Variants in DRAXIN observed in about 807,000 individuals in gnomAD.
DRAXIN encodes the protein dorsal repulsive axon guidance protein.
DRAXIN carries 27 observed loss-of-function variants against 33.9 expected under a neutral mutation model. That is an observed-to-expected ratio of 0.80 (90% CI 0.59 to 1.10). The LOEUF (loss-of-function observed/expected upper bound fraction) is 1.10. Among genes scored for constraint, DRAXIN ranks in the 50% least tolerant of loss-of-function variants. The probability of loss-of-function intolerance (pLI) is 0.00; values close to 1 mark genes in which losing one functional copy is unlikely to be tolerated. For missense variants in DRAXIN, 371 were observed against 460.8 expected (o/e 0.81, Z 1.78); for synonymous variants, 178 against 194.0 (o/e 0.92, Z 0.69).
chr1:11,714,491 T>C (rs969752302), intron 5 of DRAXIN, among the ~76,000 whole-genome samples: 18 of 152,222 alleles, frequency 1.2e-4, no homozygotes, highest in Non-Finnish European at 2.5e-4. Context: ...AGCAAGTGCT[T>C]TCCCCAAGAG....
chr1:11,686,725 C>T (rs1446055938), upstream of DRAXIN, among the ~76,000 whole-genome samples: 2 of 142,588 alleles, frequency 1.4e-5, no homozygotes, highest in African/African-American at 5.2e-5. Flanking sequence ...ATGCCTTACA[C>T]AACATCAGGA....
Position 11,706,461 on chromosome 1 carries a change from GC to G in DRAXIN, c.206del (p.Pro69GlnfsTer78), listed in dbSNP as rs752110639. 2.5e-6 allele frequency: 4 copies of G among 1,610,238 alleles called. No individual in the cohort carries two copies. In the South Asian group the frequency reaches 4.4e-5, roughly 18 times the overall value. On this transcript the variant is annotated frameshift_variant, in exon 2 of 7. Transcript: ENST00000294485. LOFTEE classifies it high-confidence loss of function. The surrounding 1 kb of genome is among the most constrained non-coding windows in gnomAD (Gnocchi z 5.5). ...RRRGPGKKEW[G>X]PGLPSQAQDG... ...CGGGGCCCGGGCAAGAAGGAGTGGGGCCCAGGCCTGCCCAGCCAGGCCCAGG... is the reference window on the plus strand; with the variant it reads ...CGGGGCCCGGGCAAGAAGGAGTGGGGCCAGGCCTGCCCAGCCAGGCCCAGG...
At position 11,694,657 on chromosome 1, in the gene DRAXIN, G is replaced by A. The variant is rs966450768; in HGVS notation, c.-11+2804G>A. ...GGCATGAGCATGTTCCTGGGGGGCA[G>A]GTCATAGGAGCACCCCTGTTCTGGC... is the stretch of plus-strand genomic sequence containing the variant. On this transcript the variant is annotated intron_variant, in intron 1 of 6. Coordinates refer to ENST00000294485, the MANE Select transcript of DRAXIN (RefSeq NM_198545.4). This position sits in a 1 kb window ranked among gnomAD's most constrained non-coding sequence, Gnocchi z 4.9. Among the ~76,000 whole-genome samples, 2 of 151,926 alleles carry A rather than the reference G, an allele frequency of 1.3e-5. No homozygotes were observed. The highest frequency in any genetic ancestry group is 2.9e-5 in the Non-Finnish European group (2 of 67,962).
intron 5 of DRAXIN, among the ~76,000 whole-genome samples, 171 bp from the exon 6 acceptor site, chr1:11,714,948 A>G (rs1641551616): frequency 6.6e-6 from 1 of 152,228 alleles, no homozygotes; most frequent in Admixed American, 6.5e-5. Context: ...GGCCTCGGCC[A>G]TGACATCTCC....
chr1:11,708,236 G>C (rs569912280), intron 2 of DRAXIN, among the ~76,000 whole-genome samples: 24 of 152,374 alleles, frequency 1.6e-4, no homozygotes, highest in African/African-American at 5.8e-4. Context: ...AGGCCTCCTG[G>C]GAGAGTTGAT....
In DRAXIN at chr1:11,696,177, A is replaced by G. The variant is rs756724175; in HGVS notation, c.-11+4324A>G. Among the ~76,000 whole-genome samples the G allele has an allele frequency of 1.6e-4, 25 of 152,186 alleles. No individual in the cohort carries two copies. The highest frequency in any genetic ancestry group is 3.2e-4 in the Non-Finnish European group (22 of 68,030). ...CAGGCACAGATGCACAAATGCTTCC[A>G]GGAAACTCCCTGGCCCCCACCACAC... On this transcript the variant is annotated intron_variant, in intron 1 of 6. Transcript: ENST00000294485. The surrounding 1 kb of genome is among the most constrained non-coding windows in gnomAD (Gnocchi z 4.7).
chr1:11,706,571 C>T lies in DRAXIN; in HGVS notation c.313C>T (p.Leu105=), dbSNP rs1641384924. Reference sequence around the variant, plus strand: ...GCTGCCTGAGCAGAGTCCTGCAGGCCTGCTGCAGGACAAGGACCTGCTCCT... The same window carrying T: ...GCTGCCTGAGCAGAGTCCTGCAGGCTTGCTGCAGGACAAGGACCTGCTCCT... The part of the protein sequence containing the change: ...GLLPEQSPAG[L]LQDKDLLLGL... Residue 105 remains leucine (L), a synonymous_variant, in exon 2 of 7, where the codon CTG becomes TTG. Transcript: ENST00000294485. This position sits in a 1 kb window ranked among gnomAD's most constrained non-coding sequence, Gnocchi z 5.5. 8.1e-6 allele frequency: 13 copies of T among 1,609,698 alleles called. No homozygotes were observed. In the East Asian group the frequency reaches 2.9e-4, roughly 36 times the overall value.
In DRAXIN at chr1:11,693,422, AC is replaced by A. The variant is rs1200919109; in HGVS notation, c.-11+1571del. 4.0e-5 allele frequency among the ~76,000 whole-genome samples: 6 copies of A among 151,712 alleles called. No individual in the cohort carries two copies. In the East Asian group the frequency reaches 1.2e-3, roughly 30 times the overall value. On this transcript the variant is annotated intron_variant, in intron 1 of 6. Transcript: ENST00000294485. Reference sequence around the variant, plus strand: ...GCTGTGTGCTTGCCCAAGCCCCCTGACCACTGTCTAGGTGGTCATAACATGT... The same window carrying A: ...GCTGTGTGCTTGCCCAAGCCCCCTGACACTGTCTAGGTGGTCATAACATGT...
rs576348395 is a variant in DRAXIN, at chr1:11,710,213, C to T, written c.642+748C>T. 2.8e-4 allele frequency among the ~76,000 whole-genome samples: 42 copies of T among 147,782 alleles called. 1 individual carries two copies. In the South Asian group the frequency reaches 8.6e-3, roughly 30 times the overall value. On this transcript the variant is annotated intron_variant, in intron 3 of 6. Coordinates refer to ENST00000294485, the MANE Select transcript of DRAXIN (RefSeq NM_198545.4). ...AAAAAAAAAAAAAAGAAATGTGGGGCGGGCACGTTGGCTCAAGCCTGTAAT... is the reference window on the plus strand; with the variant it reads ...AAAAAAAAAAAAAAGAAATGTGGGGTGGGCACGTTGGCTCAAGCCTGTAAT...
rs780619294 is a variant in DRAXIN, at chr1:11,719,628, C to G, written c.982C>G (p.Arg328Gly). 6.2e-7 allele frequency: 1 copy of G among 1,614,050 alleles called. No individual in the cohort carries two copies. Among genetic ancestry groups the G allele is most frequent in the Non-Finnish European group, 8.5e-7 (1 of 1,180,004 alleles). Residue 328 changes from arginine to glycine, a missense_variant, in exon 7 of 7, where the codon CGG becomes GGG. Physicochemically the swap from Arg to Gly is moderately radical, Grantham distance 125. Coordinates refer to ENST00000294485, the MANE Select transcript of DRAXIN (RefSeq NM_198545.4). ...AKFHRNRRVT[R>G]RKGRCVEPET... ...ATTCCACCGGAACCGCAGGGTTACA[C>G]GGAGGAAAGGGCGCTGTGTGGAGCC...
chr1:11,687,895 C>G (rs151129425), upstream of DRAXIN, among the ~76,000 whole-genome samples: 2 of 152,234 alleles, frequency 1.3e-5, no homozygotes, highest in African/African-American at 4.8e-5. The surrounding 1 kb of genome is among the most constrained non-coding windows in gnomAD (Gnocchi z 4.1). Context: ...CCTGCTTTGG[C>G]CCCTCAAGTA....
chr1:11,719,696 GC>G lies in DRAXIN; in HGVS notation c.*1del, dbSNP rs1443872884. On this transcript the variant is annotated 3_prime_UTR_variant, in exon 7 of 7. Coordinates refer to ENST00000294485, the MANE Select transcript of DRAXIN (RefSeq NM_198545.4). The stretch of plus-strand genomic sequence containing the variant: ...ACCAGGGATCCTTCATCAACGTCTA[GC>G]GGCCCCGCGGGACTGGGGACTGAGC... 1 of 1,613,420 alleles carries G rather than the reference GC, an allele frequency of 6.2e-7. No homozygotes were observed. The highest frequency in any genetic ancestry group is 1.7e-5 in the Admixed American group (1 of 59,974).
rs1641731862 is a variant in DRAXIN at position 11,725,410 on chromosome 1, A to C, written c.*5714A>C. 1 of 152,228 alleles carries C rather than the reference A, an allele frequency of 6.6e-6. No homozygotes were observed. Among genetic ancestry groups the C allele is most frequent in the Non-Finnish European group, 1.5e-5 (1 of 68,038 alleles). 9.4% of individuals were successfully genotyped at this position (152,228 alleles called of 1,614,324 possible). On this transcript the variant is annotated 3_prime_UTR_variant, in exon 7 of 7. Coordinates refer to ENST00000294485, the MANE Select transcript of DRAXIN (RefSeq NM_198545.4). Reference sequence around the variant, plus strand: ...GAATCTCTGGGGGTGGGGCCCAGCCATTTGGCTTTTCACAAGTTCTCCAGG... The same window carrying C: ...GAATCTCTGGGGGTGGGGCCCAGCCCTTTGGCTTTTCACAAGTTCTCCAGG...
chr1:11,716,196 T>G (rs1478192587), intron 6 of DRAXIN, among the ~76,000 whole-genome samples: 1 of 152,190 alleles, frequency 6.6e-6, no homozygotes, highest in African/African-American at 2.4e-5. Flanking sequence ...CTGCAAAGTT[T>G]CAAATATATA....
intron 1 of DRAXIN, among the ~76,000 whole-genome samples, chr1:11,703,919 G>A (rs1641339789): frequency 6.6e-6 from 1 of 152,160 alleles, no homozygotes; most frequent in Non-Finnish European, 1.5e-5. Flanking sequence ...TCGGGGTGTT[G>A]GAGTGGGGCA....
Position 11,723,746 on chromosome 1 carries a change from C to G in DRAXIN, c.*4050C>G, listed in dbSNP as rs533078767. 6.6e-6 allele frequency: 1 copy of G among 152,228 alleles called. No individual in the cohort carries two copies. The highest frequency in any genetic ancestry group is 1.5e-5 in the Non-Finnish European group (1 of 68,062). 9.4% of individuals were successfully genotyped at this position (152,228 alleles called of 1,614,324 possible). On this transcript the variant is annotated 3_prime_UTR_variant, in exon 7 of 7. Transcript: ENST00000294485. ...TACCTGGGATTATAGGCAAGCATCA[C>G]CACGCCCGGTTACTGTTTGTATTTT...
chr1:11,693,775 C>T (rs1035678307), intron 1 of DRAXIN, among the ~76,000 whole-genome samples: 1 of 152,144 alleles, frequency 6.6e-6, no homozygotes, highest in African/African-American at 2.4e-5. Context: ...TTGCTCAGGT[C>T]CTCTCTGCTC....
intron 1 of DRAXIN, among the ~76,000 whole-genome samples, chr1:11,700,162 G>C (rs1036146760): frequency 1.3e-5 from 2 of 151,758 alleles, no homozygotes; most frequent in Non-Finnish European, 2.9e-5. Context: ...CACGGGAGAC[G>C]GAGGTTGCAG....
intron 1 of DRAXIN, among the ~76,000 whole-genome samples, chr1:11,697,792 T>C (rs1013124300): frequency 6.6e-6 from 1 of 152,096 alleles, no homozygotes; most frequent in Non-Finnish European, 1.5e-5. Context: ...GCTCTGTGCC[T>C]GAGAAAGACC....
Sources: gnomAD v4.1 joint callset for allele counts (sites outside exome capture counted in the v4.1 genomes callset) on GRCh38, gnomAD v4.1.1 for gene constraint, Gnocchi (gnomAD v3.1) non-coding constraint, MANE v1.5 for transcripts, NCBI Gene and HGNC (gene_info 2026-07-23, HGNC 2026-07-21) for gene names.